The following DNAJA4 variants were observed in gnomAD, a reference collection of about 807,000 sequenced individuals.
DNAJA4 encodes dnaJ homolog subfamily A member 4.
In DNAJA4, 32 loss-of-function variants were observed where a neutral mutation model predicts 39.7. That is an observed-to-expected ratio of 0.81 (90% CI 0.61 to 1.08). The LOEUF (loss-of-function observed/expected upper bound fraction) is 1.08. Among genes scored for constraint, DNAJA4 ranks in the 50% least tolerant of loss-of-function variants. The pLI is 0.00. For synonymous variants in DNAJA4, 184 were observed against 182.4 expected, an observed-to-expected ratio of 1.01 and a Z score of -0.07; for missense variants, 439 against 505.1, an observed-to-expected ratio of 0.87 and a Z score of 1.25.
intron 1 of DNAJA4, among the ~76,000 whole-genome samples, chr15:78,269,527 A>G (rs993744006): frequency 9.2e-5 from 14 of 152,170 alleles, no homozygotes; most frequent in African/African-American, 3.4e-4. Context: ...TGTTGGCTAA[A>G]GATTTTGGGA....
rs1010782370 is a variant in DNAJA4, at chr15:78,265,018, G to A, written c.132+123G>A. On this transcript the variant is annotated intron_variant, in intron 1 of 6. Transcript: ENST00000394852. Reference sequence around the variant, plus strand: ...TGGGGAGGCTGTCGCCAGGCGCCTCGGGGCCAGGCCGGGCAGAGGTGGCGG... The same window carrying A: ...TGGGGAGGCTGTCGCCAGGCGCCTCAGGGCCAGGCCGGGCAGAGGTGGCGG... The A allele has an allele frequency of 4.1e-6, 5 of 1,217,664 alleles. No homozygotes were observed. In the African/African-American group the frequency reaches 4.8e-5, roughly 12 times the overall value. 75.4% of individuals were successfully genotyped at this position (1,217,664 alleles called of 1,614,324 possible).
At chr15:78,277,994 T>C in intron 5 of DNAJA4, 1 of 455,024 alleles carries the variant, frequency 2.2e-6, no homozygotes, top group Non-Finnish European at 4.4e-6. Flanking sequence ...TGTTGGCTTA[T>C]TTCTTGTTTC....
chr15:78,264,730 G>A lies in DNAJA4; in HGVS notation c.-34G>A. 1 of 1,385,466 alleles carries A rather than the reference G, an allele frequency of 7.2e-7. No homozygotes were observed. The highest frequency in any genetic ancestry group is 1.2e-5 in the South Asian group (1 of 81,322). 85.8% of individuals were successfully genotyped at this position (1,385,466 alleles called of 1,614,324 possible). A position where few individuals can be genotyped will look rare whatever the true frequency, so the allele number is the denominator to read the frequency against. ...CCGGCAGGGGCGTCCGGGGCGCTCT[G>A]ACCGGCCTCGCCCGCCCCCCCCGCA... On this transcript the variant is annotated 5_prime_UTR_variant, in exon 1 of 7. Coordinates refer to ENST00000394852, the MANE Select transcript of DNAJA4 (RefSeq NM_001130182.2).
At chr15:78,278,685 T>C (rs1359216260) in intron 5 of DNAJA4, among the ~76,000 whole-genome samples, 1 of 152,134 alleles carries the variant, frequency 6.6e-6, no homozygotes, top group Non-Finnish European at 1.5e-5. Context: ...GGAGTCTCGC[T>C]CTGTCGCCCA....
chr15:78,270,154 T>TAG (rs2049253677), intron 1 of DNAJA4: 1 of 188,508 alleles, frequency 5.3e-6, no homozygotes, highest in African/African-American at 2.3e-5. Context: ...TCTATCTGGT[T>TAG]AGAGGTTCAC....
At chr15:78,277,497 A>G (rs952803488) in intron 5 of DNAJA4, among the ~76,000 whole-genome samples, 9 of 152,182 alleles carry the variant, frequency 5.9e-5, no homozygotes, top group Non-Finnish European at 1.3e-4. Flanking sequence ...CAAGGCACCC[A>G]TTTCCTCCCT....
Position 78,270,686 on chromosome 15 carries a change from T to A in DNAJA4, c.313+9T>A. ...GGCTAGAGAGAGAAGAGGTAAATGC[T>A]TTTAAAGAAACATAAATAAGTTGTA... is the stretch of plus-strand genomic sequence containing the variant. On this transcript the variant is annotated intron_variant, in intron 2 of 6. Coordinates refer to ENST00000394852, the MANE Select transcript of DNAJA4 (RefSeq NM_001130182.2). The A allele has an allele frequency of 6.2e-7, 1 of 1,608,842 alleles. No homozygotes were observed. Among genetic ancestry groups the A allele is most frequent in the Non-Finnish European group, 8.5e-7 (1 of 1,177,458 alleles).
chr15:78,274,306 C>A lies in DNAJA4; in HGVS notation c.528C>A (p.Thr176=). ...CGGGCATGGTACAGCAGATCCAGAC[C>A]GTGTGCATCGAGTGCAAGGGCCAGG... ...IGPGMVQQIQ[T]VCIECKGQGE... The change falls in exon 4 of 7, where the codon ACC becomes ACA. Residue 176 remains threonine, a synonymous_variant. Coordinates refer to ENST00000394852, the MANE Select transcript of DNAJA4 (RefSeq NM_001130182.2). The A allele has an allele frequency of 6.2e-7, 1 of 1,614,134 alleles. No individual in the cohort carries two copies. The highest frequency in any genetic ancestry group is 1.1e-5 in the South Asian group (1 of 91,082).
chr15:78,276,015 T>C (rs2049446697), intron 5 of DNAJA4, among the ~76,000 whole-genome samples: 1 of 152,234 alleles, frequency 6.6e-6, no homozygotes, highest in Admixed American at 6.5e-5. Context: ...AATTTAAAAC[T>C]GTCCCTAATA....
intron 1 of DNAJA4, among the ~76,000 whole-genome samples, chr15:78,267,140 G>GT (rs60802548): frequency 2.7e-5 from 3 of 111,256 alleles, no homozygotes; most frequent in Non-Finnish European, 5.8e-5. Flanking sequence ...GTGTGTATGT[G>GT]AGTGTGTGTG....
rs182692246 is a variant in DNAJA4 at position 78,273,721 on chromosome 15, C to T, written c.419-476C>T. ...CTGGCCATGGTTTCTTGACCCCTGA[C>T]TTAAATGTATATATAATTATTGTAA... On this transcript the variant is annotated intron_variant, in intron 3 of 6. Transcript: ENST00000394852. 1.4e-3 allele frequency among the ~76,000 whole-genome samples: 213 copies of T among 152,292 alleles called. 1 individual carries two copies. The highest frequency in any genetic ancestry group is 1.3e-3 in the Non-Finnish European group (91 of 68,020).
chr15:78,272,397 G>C (rs1185047446), intron 2 of DNAJA4, among the ~76,000 whole-genome samples: 1 of 152,200 alleles, frequency 6.6e-6, no homozygotes, highest in African/African-American at 2.4e-5. Context: ...TCACTGTCTT[G>C]AGATGAAAAA....
chr15:78,264,336 G>C, upstream of DNAJA4: 1 of 1,442,738 alleles, frequency 6.9e-7, no homozygotes, highest in East Asian at 3.0e-5. Context: ...GGCAGTCAGA[G>C]CTGGAGCTCC....
chr15:78,270,288 G>A (rs995718810), intron 1 of DNAJA4: 1 of 523,910 alleles, frequency 1.9e-6, no homozygotes, highest in African/African-American at 1.9e-5. Context: ...CCTACCACCA[G>A]TCCCTTAATA....
intron 5 of DNAJA4, chr15:78,278,268 G>A (rs1406576522): frequency 8.8e-6 from 4 of 455,966 alleles, no homozygotes; most frequent in African/African-American, 6.0e-5. Context: ...CAGAAGCATG[G>A]GGAGTAGGGC....
At chr15:78,265,887 A>G (rs938002486) in intron 1 of DNAJA4, 2 of 595,538 alleles carry the variant, frequency 3.4e-6, no homozygotes, top group African/African-American at 3.7e-5. Flanking sequence ...TGTGGAAACG[A>G]CGCTGGAATC....
At position 78,274,191 on chromosome 15, in the gene DNAJA4, C is replaced by CT. The variant is rs746165397; in HGVS notation, c.419-5dup. On this transcript the variant is annotated splice_polypyrimidine_tract_variant and splice_region_variant and intron_variant, in intron 3 of 6. Coordinates refer to ENST00000394852, the MANE Select transcript of DNAJA4 (RefSeq NM_001130182.2). ...GCCCTCATTCCTGCCTCCCCTGACC[C>CT]TGCAGGTGTTGGTGGGAAGAAGGGA... 2.6e-4 allele frequency: 421 copies of CT among 1,612,518 alleles called. No homozygotes were observed. Among genetic ancestry groups the CT allele is most frequent in the Non-Finnish European group, 3.4e-4 (397 of 1,179,062 alleles).
At chr15:78,271,416 C>T (rs2049292894) in intron 2 of DNAJA4, among the ~76,000 whole-genome samples, 1 of 152,172 alleles carries the variant, frequency 6.6e-6, no homozygotes, top group South Asian at 2.1e-4. Flanking sequence ...TGGGCGTGGG[C>T]TGCAGGCTCT....
chr15:78,269,217 G>A (rs970097606), intron 1 of DNAJA4, among the ~76,000 whole-genome samples: 19 of 152,262 alleles, frequency 1.2e-4, no homozygotes, highest in African/African-American at 1.7e-4. Flanking sequence ...GCAGAGGATC[G>A]ACCCAATTAG....
Sources: gnomAD v4.1 joint callset for allele counts (sites outside exome capture counted in the v4.1 genomes callset) on GRCh38, gnomAD v4.1.1 for gene constraint, MANE v1.5 for transcripts, NCBI Gene and HGNC (gene_info 2026-07-23, HGNC 2026-07-21) for gene names.